The following KCNIP4 variants were observed in gnomAD, a reference collection of about 807,000 sequenced individuals.
KCNIP4 encodes potassium voltage-gated channel interacting protein 4, also known as Kv channel-interacting protein 4.
A neutral mutation model predicts 34.0 loss-of-function variants in KCNIP4; 12 were observed. The observed-to-expected ratio is 0.35, with a 90% CI of 0.23 to 0.57. The LOEUF is 0.57. Ranked by LOEUF, KCNIP4 falls within the 20% of genes least tolerant of loss-of-function variation. KCNIP4 has a pLI of 0.83. For missense variants in KCNIP4, 238 were observed against 311.7 expected, an observed-to-expected ratio of 0.76 and a Z score of 1.78; for synonymous variants, 124 against 102.2, an observed-to-expected ratio of 1.21 and a Z score of -1.29.
intron 1 of KCNIP4, among the ~76,000 whole-genome samples, chr4:21,450,609 A>G (rs1728441058): frequency 6.6e-6 from 1 of 152,156 alleles, no homozygotes; most frequent in South Asian, 2.1e-4. Context: ...AGAAAGCAAC[A>G]GCAGCATTTT....
intron 1 of KCNIP4, among the ~76,000 whole-genome samples, chr4:21,725,583 G>C (rs913110411): frequency 3.3e-5 from 5 of 152,076 alleles, no homozygotes; most frequent in African/African-American, 1.2e-4. Context: ...TTTGGAATAA[G>C]GCCCTGTAAT....
intron 1 of KCNIP4, among the ~76,000 whole-genome samples, chr4:21,032,382 C>A (rs139404680): frequency 1.2e-3 from 175 of 152,156 alleles, no homozygotes; most frequent in African/African-American, 4.1e-3. Context: ...AACAATCAAC[C>A]TTTCTGCACA....
chr4:21,440,211 T>C (rs1727339135), intron 1 of KCNIP4, among the ~76,000 whole-genome samples: 1 of 152,232 alleles, frequency 6.6e-6, no homozygotes, highest in Admixed American at 6.5e-5. Context: ...AATTTATGTA[T>C]AAGTAATCCA....
Position 21,576,907 on chromosome 4 carries a change from A to G in KCNIP4, c.61+371664T>C, listed in dbSNP as rs550869286. ...ATTTTTACTTTGTGATTGCTCCATT[A>G]TCATATAATGACACTCATAATAGTA... On this transcript the variant is annotated intron_variant, in intron 1 of 8. Coordinates refer to ENST00000382152, the MANE Select transcript of KCNIP4 (RefSeq NM_025221.6). 1.1e-4 allele frequency among the ~76,000 whole-genome samples: 16 copies of G among 152,252 alleles called. No individual in the cohort carries two copies. In the South Asian group the frequency reaches 3.1e-3, roughly 30 times the overall value.
chr4:21,916,140 C>G (rs987405467), intron 1 of KCNIP4, among the ~76,000 whole-genome samples: 1 of 152,206 alleles, frequency 6.6e-6, no homozygotes, highest in African/African-American at 2.4e-5. Context: ...TGTTATTTCT[C>G]TAAGTGTTTC....
At chr4:20,861,110 G>A (rs1356757763) in intron 2 of KCNIP4, among the ~76,000 whole-genome samples, 2 of 152,144 alleles carry the variant, frequency 1.3e-5, no homozygotes, top group Non-Finnish European at 2.9e-5. Context: ...GCACAGCTGT[G>A]CAGCTGATGA....
chr4:21,217,680 T>A (rs981484042), intron 1 of KCNIP4, among the ~76,000 whole-genome samples: 1 of 152,060 alleles, frequency 6.6e-6, no homozygotes, highest in Admixed American at 6.6e-5. Context: ...GTAGATTAAA[T>A]TAAATACAAG....
chr4:21,501,246 T>TCACACACACA (rs1309846168), intron 1 of KCNIP4, among the ~76,000 whole-genome samples: 1,562 of 93,408 alleles, frequency 0.017, 32 homozygotes, highest in African/African-American at 0.047. Flanking sequence ...TCTCTCTCTC[T>TCACACACACA]CTCACACACA....
chr4:21,678,675 C>T (rs1209902558), intron 1 of KCNIP4, among the ~76,000 whole-genome samples: 3 of 152,188 alleles, frequency 2.0e-5, no homozygotes, highest in Non-Finnish European at 4.4e-5. Context: ...GCTGGCCTGT[C>T]TGCCTGAAAT....
At chr4:21,326,686 G>A (rs1276946125) in intron 1 of KCNIP4, among the ~76,000 whole-genome samples, 1 of 137,284 alleles carries the variant, frequency 7.3e-6, no homozygotes, top group African/African-American at 2.7e-5. Flanking sequence ...TTTGTTATGT[G>A]TTTTCTGGTT....
intron 1 of KCNIP4, among the ~76,000 whole-genome samples, chr4:21,507,687 T>G (rs865932312): frequency 2.0e-5 from 3 of 152,202 alleles, no homozygotes; most frequent in African/African-American, 7.2e-5. Context: ...CTTAAAATGA[T>G]GCAGTCAAAT....
chr4:21,781,870 T>C (rs547436042), intron 1 of KCNIP4, among the ~76,000 whole-genome samples: 11 of 152,234 alleles, frequency 7.2e-5, no homozygotes, highest in African/African-American at 2.4e-4. Context: ...ACTGGTAAAG[T>C]GTTGACACCA....
At chr4:21,681,990 G>T (rs1465752649) in intron 1 of KCNIP4, among the ~76,000 whole-genome samples, 1 of 151,928 alleles carries the variant, frequency 6.6e-6, no homozygotes, top group African/African-American at 2.4e-5. Context: ...TTGGGTTCAA[G>T]TGATTCACCT....
At chr4:21,108,307 T>TTG (rs376560647) in intron 1 of KCNIP4, among the ~76,000 whole-genome samples, 1 of 117,768 alleles carries the variant, frequency 8.5e-6, no homozygotes, top group African/African-American at 3.7e-5. Flanking sequence ...TTTCTTTTTA[T>TTG]TTTTTCTCTA....
chr4:21,454,601 A>G (rs532816742), intron 1 of KCNIP4, among the ~76,000 whole-genome samples: 40 of 152,184 alleles, frequency 2.6e-4, no homozygotes, highest in Non-Finnish European at 4.9e-4. Context: ...ATCCTTCTCA[A>G]TTTACCAACA....
intron 1 of KCNIP4, among the ~76,000 whole-genome samples, chr4:21,466,474 A>T (rs1293474883): frequency 6.6e-6 from 1 of 152,170 alleles, no homozygotes; most frequent in Non-Finnish European, 1.5e-5. Flanking sequence ...AACAAATATC[A>T]TTCATTAACT....
At chr4:21,857,938 T>C (rs1043360681) in intron 1 of KCNIP4, among the ~76,000 whole-genome samples, 2 of 152,218 alleles carry the variant, frequency 1.3e-5, no homozygotes, top group Non-Finnish European at 2.9e-5. Flanking sequence ...AGCTTCTGAA[T>C]GCCACCACAT....
At chr4:21,878,855 G>A (rs1287158792) in intron 1 of KCNIP4, among the ~76,000 whole-genome samples, 2 of 152,138 alleles carry the variant, frequency 1.3e-5, no homozygotes, top group Admixed American at 1.3e-4. Context: ...AATGAAGTGA[G>A]ATGAACATAA....
intron 8 of KCNIP4, among the ~76,000 whole-genome samples, 174 bp from the exon 9 acceptor site, chr4:20,730,303 T>A (rs1747713833): frequency 6.6e-6 from 1 of 152,222 alleles, no homozygotes; most frequent in African/African-American, 2.4e-5. Context: ...ATTTTCCACA[T>A]AGATGACTAT....
Sources: gnomAD v4.1 joint callset for allele counts (sites outside exome capture counted in the v4.1 genomes callset) on GRCh38, gnomAD v4.1.1 for gene constraint, MANE v1.5 for transcripts, NCBI Gene and HGNC (gene_info 2026-07-23, HGNC 2026-07-21) for gene names.